The following STOX1 variants were observed in gnomAD, a reference collection of about 807,000 sequenced individuals.
STOX1 encodes the protein storkhead box 1.
A neutral mutation model predicts 74.8 loss-of-function variants in STOX1; 57 were observed. The ratio of observed to expected loss-of-function variants is 0.76; its 90% CI spans 0.62 to 0.95. The LOEUF (loss-of-function observed/expected upper bound fraction) is 0.95, where lower values mean the gene tolerates loss of function less well. Ranked by LOEUF, STOX1 falls within the 40% of genes least tolerant of loss-of-function variation. The pLI is 0.00. For synonymous variants in STOX1, 375 were observed against 401.3 expected (o/e 0.93, Z 0.78); for missense variants, 1,010 against 1,117.0 (o/e 0.90, Z 1.37).
chr10:68,855,044 G>A (rs1184357844), intron 1 of STOX1, among the ~76,000 whole-genome samples: 1 of 151,968 alleles, frequency 6.6e-6, no homozygotes, highest in Admixed American at 6.5e-5. Context: ...CTTGAACCTA[G>A]GAGTTTGAGG....
At chr10:68,863,928 T>G (rs72801529) in intron 1 of STOX1, among the ~76,000 whole-genome samples, 34,917 of 144,692 alleles carry the variant, frequency 0.24, 5,088 homozygotes, top group Middle Eastern at 0.36. Flanking sequence ...TTGTTTTTTT[T>G]TTTTTTTTTT....
intron 1 of STOX1, chr10:68,828,331 C>A: frequency 9.1e-7 from 1 of 1,103,920 alleles, no homozygotes; most frequent in Non-Finnish European, 1.1e-6. Context: ...GAGCTCCGCG[C>A]TGCAGGGGCG....
intron 1 of STOX1, among the ~76,000 whole-genome samples, chr10:68,833,508 C>CT (rs1328635382): frequency 1.3e-5 from 2 of 152,112 alleles, no homozygotes; most frequent in Admixed American, 6.6e-5. Flanking sequence ...GCTCACAACT[C>CT]TAAGAGGGTC....
chr10:68,863,927 T>G (rs189423133), intron 1 of STOX1, among the ~76,000 whole-genome samples: 13 of 151,032 alleles, frequency 8.6e-5, no homozygotes, highest in South Asian at 2.1e-4. Context: ...CTTGTTTTTT[T>G]TTTTTTTTTT....
intron 1 of STOX1, among the ~76,000 whole-genome samples, chr10:68,876,748 A>G (rs1251480296): frequency 2.0e-5 from 3 of 152,168 alleles, no homozygotes; most frequent in Non-Finnish European, 2.9e-5. Flanking sequence ...TCAAGGGTCA[A>G]AAGTCCACAG....
At chr10:68,880,936 C>T (rs377668079) in intron 1 of STOX1, among the ~76,000 whole-genome samples, 4 of 152,228 alleles carry the variant, frequency 2.6e-5, no homozygotes, top group South Asian at 2.1e-4. Context: ...TCGGGTGATC[C>T]GCCCACCTCG....
chr10:68,874,499 A>G (rs1005221890), intron 1 of STOX1, among the ~76,000 whole-genome samples: 13 of 152,134 alleles, frequency 8.5e-5, no homozygotes, highest in Admixed American at 7.9e-4. Flanking sequence ...TTAAGCCAAA[A>G]CCAATGTATA....
chr10:68,881,852 G>T (rs895261700), intron 1 of STOX1, 106 bp from the exon 2 acceptor site: 2 of 1,273,942 alleles, frequency 1.6e-6, no homozygotes, highest in Non-Finnish European at 2.3e-6. Flanking sequence ...TGAAAGAATT[G>T]CAATTCTACC....
chr10:68,873,249 A>G (rs1009859546), intron 1 of STOX1, among the ~76,000 whole-genome samples: 9 of 144,524 alleles, frequency 6.2e-5, no homozygotes, highest in African/African-American at 2.0e-4. Context: ...CTGTGCCCAA[A>G]CAAGAGCATT....
chr10:68,851,000 GCAAA>G (rs573720462), intron 1 of STOX1, among the ~76,000 whole-genome samples: 1 of 151,380 alleles, frequency 6.6e-6, no homozygotes, highest in South Asian at 2.1e-4. Flanking sequence ...CCAGCAAAAA[GCAAA>G]CAAACACAAA....
rs1197536738 is a variant in STOX1, at chr10:68,884,840, T to C, written c.1044T>C (p.Asp348=). ...AAGAATGGCCCGTCCGAGATGAAGATGACTTGGACAATATCCCTCGAGATG... is the reference window on the plus strand; with the variant it reads ...AAGAATGGCCCGTCCGAGATGAAGACGACTTGGACAATATCCCTCGAGATG... ...PPEEWPVRDE[D]DLDNIPRDVE... The change falls in exon 3 of 4, where the codon GAT becomes GAC. Residue 348 remains aspartate, a synonymous_variant. Coordinates refer to ENST00000298596, the MANE Select transcript of STOX1 (RefSeq NM_152709.5). 3 of 1,614,056 alleles carry C rather than the reference T, an allele frequency of 1.9e-6. No individual in the cohort carries two copies. The highest frequency in any genetic ancestry group is 2.5e-6 in the Non-Finnish European group (3 of 1,180,022).
intron 1 of STOX1, among the ~76,000 whole-genome samples, chr10:68,852,172 T>G: frequency 6.6e-6 from 1 of 151,754 alleles, no homozygotes; most frequent in Non-Finnish European, 1.5e-5. Context: ...TCTTCTGACC[T>G]CTGTTGTTTC....
At position 68,852,421 on chromosome 10, in the gene STOX1, G is replaced by T. The variant is rs1205736619; in HGVS notation, c.310+24488G>T. On this transcript the variant is annotated intron_variant, in intron 1 of 3. Transcript: ENST00000298596. ...CTACAGGCGCCCGCCACCGCACCCG[G>T]CTAATTTTTTGTATTTTTAGTAGAG... Among the ~76,000 whole-genome samples, 3 of 151,034 alleles carry T rather than the reference G, an allele frequency of 2.0e-5. No individual in the cohort carries two copies. In the East Asian group the frequency reaches 5.9e-4, roughly 30 times the overall value.
intron 1 of STOX1, among the ~76,000 whole-genome samples, chr10:68,865,156 C>G (rs187802964): frequency 1.3e-5 from 2 of 152,160 alleles, no homozygotes; most frequent in Non-Finnish European, 2.9e-5. Flanking sequence ...AAATCTTTTA[C>G]GAGTAGGTTC....
At chr10:68,866,945 G>GTTTT (rs71474450) in intron 1 of STOX1, among the ~76,000 whole-genome samples, 27,051 of 124,552 alleles carry the variant, frequency 0.22, 3,318 homozygotes, top group Middle Eastern at 0.28. Flanking sequence ...TGCTTTCCTT[G>GTTTT]TTTTTTTTTT....
chr10:68,832,868 A>G (rs61869911), intron 1 of STOX1, among the ~76,000 whole-genome samples: 4,942 of 151,876 alleles, frequency 0.033, 130 homozygotes, highest in Non-Finnish European at 0.051. Context: ...GGTGCAAATG[A>G]TCGTCCTACC....
Position 68,885,030 on chromosome 10 carries a change from G to A in STOX1, c.1234G>A (p.Val412Ile). The A allele has an allele frequency of 6.2e-7, 1 of 1,614,126 alleles. No homozygotes were observed. Among genetic ancestry groups the A allele is most frequent in the Non-Finnish European group, 8.5e-7 (1 of 1,180,018 alleles). ...GCATAAGTATCCTTCAAAAGAGGGG[G>A]TTAAGAAAAGGCAGGGTCTGTCTGC... is the stretch of plus-strand genomic sequence containing the variant. Reference protein sequence around the residue: ...IGHKYPSKEGVKKRQGLSAKP... With the variant: ...IGHKYPSKEGIKKRQGLSAKP... The change falls in exon 3 of 4, where the codon GTT (valine) becomes ATT (isoleucine). Residue 412 changes from valine (V) to isoleucine (I), a missense_variant. Coordinates refer to ENST00000298596, the MANE Select transcript of STOX1 (RefSeq NM_152709.5).
chr10:68,890,742 C>T (rs1304628115), intron 3 of STOX1, among the ~76,000 whole-genome samples: 1 of 151,548 alleles, frequency 6.6e-6, no homozygotes, highest in Non-Finnish European at 1.5e-5. Flanking sequence ...CCTCTGCCTC[C>T]CGGGTTCAAT....
At chr10:68,878,386 T>G (rs1840731235) in intron 1 of STOX1, among the ~76,000 whole-genome samples, 1 of 152,146 alleles carries the variant, frequency 6.6e-6, no homozygotes, top group Non-Finnish European at 1.5e-5. Context: ...AGGAGGATTT[T>G]GAGTTTTAGG....
Sources: gnomAD v4.1 joint callset for allele counts (sites outside exome capture counted in the v4.1 genomes callset) on GRCh38, gnomAD v4.1.1 for gene constraint, MANE v1.5 for transcripts, NCBI Gene and HGNC (gene_info 2026-07-23, HGNC 2026-07-21) for gene names.